DPP6: variants seen among roughly 807,000 people sequenced by gnomAD.
The protein encoded by DPP6 is dipeptidyl peptidase like 6, also known as A-type potassium channel modulatory protein DPP6.
A neutral mutation model predicts 122.6 loss-of-function variants in DPP6; 69 were observed. That is an observed-to-expected ratio of 0.56 (90% CI 0.46 to 0.69). The LOEUF (loss-of-function observed/expected upper bound fraction) is 0.69, where lower values mean the gene tolerates loss of function less well. DPP6 is among the 30% of genes least tolerant of loss of function. DPP6 has a pLI of 0.00. For missense variants in DPP6, 928 were observed against 1,116.9 expected (o/e 0.83, Z 2.41); for synonymous variants, 418 against 433.1 (o/e 0.97, Z 0.43).
Position 154,700,222 on chromosome 7 carries a change from G to A in DPP6, c.763-27545G>A, listed in dbSNP as rs549162691. On this transcript the variant is annotated intron_variant, in intron 7 of 25. Transcript: ENST00000377770. The stretch of plus-strand genomic sequence containing the variant: ...ACTATTTTTGGATTCATTGGTACAT[G>A]GTTCCATTAATCAATAAATATTTAG... 2.0e-5 allele frequency among the ~76,000 whole-genome samples: 3 copies of A among 152,332 alleles called. No homozygotes were observed. In the East Asian group the frequency reaches 5.8e-4, roughly 29 times the overall value.
At chr7:154,106,645 T>A (rs530446350) in intron 1 of DPP6, among the ~76,000 whole-genome samples, 52 of 150,152 alleles carry the variant, frequency 3.5e-4, no homozygotes, top group African/African-American at 1.3e-3. Flanking sequence ...GTGAAGGAGG[T>A]CTGGGAAGGT....
intron 1 of DPP6, among the ~76,000 whole-genome samples, chr7:154,408,836 C>T (rs891869555): frequency 6.6e-6 from 1 of 151,896 alleles, no homozygotes; most frequent in Non-Finnish European, 1.5e-5. Flanking sequence ...TTGTATTCCC[C>T]CCAACTCAAA....
intron 1 of DPP6, among the ~76,000 whole-genome samples, chr7:154,212,005 C>T (rs151211832): frequency 1.3e-5 from 2 of 152,318 alleles, no homozygotes; most frequent in South Asian, 2.1e-4. Flanking sequence ...TCTCAGCTGC[C>T]CCTCACTGGG....
At chr7:154,733,571 T>C (rs974211791) in intron 8 of DPP6, among the ~76,000 whole-genome samples, 1 of 152,230 alleles carries the variant, frequency 6.6e-6, no homozygotes, top group Non-Finnish European at 1.5e-5. Context: ...CCCAGGCAGA[T>C]AAATTTGAGT....
the DPP6 span, among the ~76,000 whole-genome samples, chr7:153,821,821 T>A: frequency 6.6e-6 from 1 of 151,198 alleles, no homozygotes; most frequent in Non-Finnish European, 1.5e-5. Context: ...CCACAAGGCC[T>A]ATGGCAGGAA....
chr7:153,778,006 CA>C, the DPP6 span, among the ~76,000 whole-genome samples: 613 of 147,644 alleles, frequency 4.2e-3, 38 homozygotes, highest in African/African-American at 0.016. Flanking sequence ...GGGACAGGAA[CA>C]AACCAGTTAC....
intron 1 of DPP6, among the ~76,000 whole-genome samples, chr7:154,271,451 G>T (rs2150934078): frequency 6.6e-6 from 1 of 152,342 alleles, no homozygotes; most frequent in Non-Finnish European, 1.5e-5. Context: ...AGGACAACCA[G>T]AACTGCAAAG....
At chr7:154,414,187 A>T (rs1456342496) in intron 1 of DPP6, among the ~76,000 whole-genome samples, 2 of 152,218 alleles carry the variant, frequency 1.3e-5, no homozygotes, top group African/African-American at 4.8e-5. Flanking sequence ...TTTGTGTACT[A>T]ATATGAATTT....
At chr7:154,295,983 C>T (rs1585856205) in intron 1 of DPP6, among the ~76,000 whole-genome samples, 1 of 147,090 alleles carries the variant, frequency 6.8e-6, no homozygotes, top group Non-Finnish European at 1.5e-5. Flanking sequence ...CTCTCTCTGT[C>T]ACCCAGGCTG....
At chr7:154,454,721 C>T (rs1820679138) in intron 2 of DPP6, among the ~76,000 whole-genome samples, 1 of 152,124 alleles carries the variant, frequency 6.6e-6, no homozygotes, top group Non-Finnish European at 1.5e-5. Context: ...ACACCAGTGT[C>T]CTAACCAGTT....
chr7:154,173,641 C>G (rs1055553812), intron 1 of DPP6, among the ~76,000 whole-genome samples: 12 of 152,272 alleles, frequency 7.9e-5, no homozygotes, highest in Middle Eastern at 3.4e-3. Context: ...TGCTGCTGAC[C>G]AGCTGTGCAA....
intron 16 of DPP6, among the ~76,000 whole-genome samples, chr7:154,819,159 A>G (rs2150492696): frequency 6.6e-6 from 1 of 152,320 alleles, no homozygotes; most frequent in Non-Finnish European, 1.5e-5. Flanking sequence ...TCACGCCTGT[A>G]ATGCCAGCAT....
intron 5 of DPP6, among the ~76,000 whole-genome samples, chr7:154,574,909 CGTGT>C (rs1280189743): frequency 0.067 from 5,499 of 82,556 alleles, 469 homozygotes; most frequent in East Asian, 0.51. Flanking sequence ...GTGTGGTGTG[CGTGT>C]GTGTATGTGT....
intron 16 of DPP6, among the ~76,000 whole-genome samples, chr7:154,843,200 G>A (rs531948203): frequency 6.6e-6 from 1 of 152,234 alleles, no homozygotes; most frequent in Non-Finnish European, 1.5e-5. Flanking sequence ...TACTTGGAAG[G>A]TTGAGGTGGG....
chr7:154,405,122 C>G (rs771192151), intron 1 of DPP6, among the ~76,000 whole-genome samples: 7 of 152,026 alleles, frequency 4.6e-5, no homozygotes, highest in Admixed American at 6.6e-5. Flanking sequence ...TGATTTTTCA[C>G]CAACCCTATA....
intron 10 of DPP6, among the ~76,000 whole-genome samples, chr7:154,775,172 G>T (rs1437236142): frequency 6.6e-6 from 1 of 152,192 alleles, no homozygotes; most frequent in Non-Finnish European, 1.5e-5. Context: ...CTAGCCAACT[G>T]CCTGGGTTCG....
At chr7:154,680,116 C>T (rs59771447) in intron 7 of DPP6, among the ~76,000 whole-genome samples, 13,198 of 151,896 alleles carry the variant, frequency 0.087, 723 homozygotes, top group African/African-American at 0.16. Flanking sequence ...TCCTGGGATA[C>T]AGGGATTTCA....
At chr7:154,638,288 C>G (rs963255841) in intron 6 of DPP6, among the ~76,000 whole-genome samples, 1 of 152,174 alleles carries the variant, frequency 6.6e-6, no homozygotes, top group African/African-American at 2.4e-5. Context: ...TCTCAGCCCA[C>G]CACATGTCAT....
chr7:154,693,467 C>T (rs1840044259), intron 7 of DPP6, among the ~76,000 whole-genome samples: 1 of 152,104 alleles, frequency 6.6e-6, no homozygotes, highest in Non-Finnish European at 1.5e-5. Flanking sequence ...TGCTAATTAC[C>T]AAGCTCACAG....
Sources: gnomAD v4.1 joint callset for allele counts (sites outside exome capture counted in the v4.1 genomes callset) on GRCh38, gnomAD v4.1.1 for gene constraint, MANE v1.5 for transcripts, NCBI Gene and HGNC (gene_info 2026-07-23, HGNC 2026-07-21) for gene names.